The following RBBP8 variants were observed in gnomAD, a reference collection of about 807,000 sequenced individuals.
RBBP8 encodes the protein RB binding protein 8, endonuclease, also known as DNA endonuclease RBBP8.
In RBBP8, 88 loss-of-function variants were observed where a neutral mutation model predicts 108.3. The ratio of observed to expected loss-of-function variants is 0.81; its 90% CI spans 0.68 to 0.97. RBBP8 has a LOEUF of 0.97. RBBP8 is among the 50% of genes least tolerant of loss of function. RBBP8 has a pLI of 0.00. For missense variants in RBBP8, 1,023 were observed against 1,049.0 expected, an observed-to-expected ratio of 0.98 and a Z score of 0.34; for synonymous variants, 332 against 348.2, an observed-to-expected ratio of 0.95 and a Z score of 0.52.
chr18:22,936,248 C>T (rs1014936116), intron 1 of RBBP8, among the ~76,000 whole-genome samples: 4 of 152,016 alleles, frequency 2.6e-5, no homozygotes, highest in African/African-American at 7.2e-5. Flanking sequence ...GCCACAGGCA[C>T]GCACTACCAC....
chr18:22,967,645 A>ATTTT (rs1410826642), intron 4 of RBBP8, among the ~76,000 whole-genome samples: 1 of 131,500 alleles, frequency 7.6e-6, no homozygotes, highest in Admixed American at 7.7e-5. Flanking sequence ...GCTATTTCGT[A>ATTTT]TTTTTTTTTT....
At chr18:22,985,317 C>G (rs944465208) in intron 8 of RBBP8, among the ~76,000 whole-genome samples, 1 of 152,022 alleles carries the variant, frequency 6.6e-6, no homozygotes, top group African/African-American at 2.4e-5. Flanking sequence ...AGCTTATGAT[C>G]TAGTTGAGGG....
chr18:22,961,711 T>C lies in RBBP8; in HGVS notation c.249-7095T>C, dbSNP rs1000640159. Reference sequence around the variant, plus strand: ...ATCAGCTATCATTAGTGTTAGTGTATGTGGGCCCAAGACAGTTCTTCCAGG... The same window carrying C: ...ATCAGCTATCATTAGTGTTAGTGTACGTGGGCCCAAGACAGTTCTTCCAGG... On this transcript the variant is annotated intron_variant, in intron 4 of 18. Transcript: ENST00000327155. 5.9e-5 allele frequency among the ~76,000 whole-genome samples: 9 copies of C among 152,318 alleles called. No homozygotes were observed. In the East Asian group the frequency reaches 7.7e-4, roughly 13 times the overall value.
At position 23,002,133 on chromosome 18, in the gene RBBP8, AG is replaced by A. The variant is rs2045959664; in HGVS notation, c.2287+405del. On this transcript the variant is annotated intron_variant, in intron 15 of 18. Transcript: ENST00000327155. ...AAAGTTTTGTACAACATTCAGATCC[AG>A]CCAGGCACAGTGGTTCACACCTGTA... 2.0e-5 allele frequency among the ~76,000 whole-genome samples: 3 copies of A among 152,196 alleles called. No homozygotes were observed. The South Asian group carries it at 6.2e-4, about 32-fold the overall frequency.
chr18:22,988,360 C>G (rs1476244836), intron 8 of RBBP8, among the ~76,000 whole-genome samples: 1 of 152,196 alleles, frequency 6.6e-6, no homozygotes, highest in African/African-American at 2.4e-5. Context: ...GGTTCATGTC[C>G]TACTCCCATC....
chr18:22,975,442 A>C (rs1914432457), intron 6 of RBBP8, among the ~76,000 whole-genome samples: 1 of 152,054 alleles, frequency 6.6e-6, no homozygotes, highest in Non-Finnish European at 1.5e-5. Context: ...AAACATTTTA[A>C]TTTTTATAAT....
intron 4 of RBBP8, among the ~76,000 whole-genome samples, chr18:22,962,702 C>A (rs1324769914): frequency 7.1e-6 from 1 of 140,212 alleles, no homozygotes; most frequent in African/African-American, 2.8e-5. Flanking sequence ...CTCCTCTCCA[C>A]CCCCCCTACC....
At chr18:22,950,606 C>A (rs1385870694) in intron 4 of RBBP8, among the ~76,000 whole-genome samples, 1 of 151,014 alleles carries the variant, frequency 6.6e-6, no homozygotes, top group Non-Finnish European at 1.5e-5. Flanking sequence ...CACGATATCC[C>A]ATACTTTCTT....
intron 4 of RBBP8, among the ~76,000 whole-genome samples, chr18:22,964,969 G>A (rs1248488894): frequency 6.6e-6 from 1 of 152,014 alleles, no homozygotes; most frequent in Non-Finnish European, 1.5e-5. Flanking sequence ...ATGACCTACA[G>A]CAGCCTTCAA....
chr18:22,948,414 G>T lies in RBBP8; in HGVS notation c.153-1204G>T, dbSNP rs367811821. On this transcript the variant is annotated intron_variant, in intron 3 of 18. Coordinates refer to ENST00000327155, the MANE Select transcript of RBBP8 (RefSeq NM_002894.3). ...ATTTATTTTTGTTAAATGAGAAATG[G>T]CCAGGTTAACAAGCTTCAATGATAT... Among the ~76,000 whole-genome samples the T allele has an allele frequency of 2.7e-3, 406 of 151,922 alleles. 1 individual carries two copies. The highest frequency in any genetic ancestry group is 9.3e-3 in the African/African-American group (386 of 41,470).
chr18:23,014,165 AT>A (rs553671944), intron 16 of RBBP8, among the ~76,000 whole-genome samples: 247 of 146,278 alleles, frequency 1.7e-3, no homozygotes, highest in Middle Eastern at 3.5e-3. Flanking sequence ...CGCCTGGCTA[AT>A]TTTTTTTTTT....
At chr18:22,939,043 A>G (rs745449362) in intron 2 of RBBP8, among the ~76,000 whole-genome samples, 11 of 152,192 alleles carry the variant, frequency 7.2e-5, no homozygotes, top group Non-Finnish European at 1.2e-4. Context: ...TAATTCTGTA[A>G]CTTTCCCTAT....
intron 14 of RBBP8, 79 bp from the exon 15 acceptor site, chr18:23,001,507 T>C: frequency 6.7e-7 from 1 of 1,490,906 alleles, no homozygotes; most frequent in Non-Finnish European, 9.3e-7. Context: ...TATTGTGTGG[T>C]AGTTACTACA....
chr18:22,947,197 A>G (rs1911634094), intron 3 of RBBP8, among the ~76,000 whole-genome samples: 1 of 151,602 alleles, frequency 6.6e-6, no homozygotes, highest in African/African-American at 2.4e-5. Flanking sequence ...AAATTATTTT[A>G]ATTAAGAAAT....
upstream of RBBP8, chr18:22,929,548 G>GTA (rs1375391922): frequency 4.6e-4 from 57 of 124,966 alleles, 2 homozygotes; most frequent in African/African-American, 1.9e-3. Flanking sequence ...GTGTGTGTGT[G>GTA]TGTATGTGTG....
chr18:22,957,431 GAATAAATGTC>G (rs1052008575), intron 4 of RBBP8, among the ~76,000 whole-genome samples: 13 of 150,408 alleles, frequency 8.6e-5, no homozygotes, highest in Non-Finnish European at 1.6e-4. Flanking sequence ...GAATGAAAAT[GAATAAATGTC>G]AATAAATCTT....
intron 7 of RBBP8, among the ~76,000 whole-genome samples, chr18:22,983,579 A>G (rs1915099595): frequency 9.9e-6 from 1 of 100,790 alleles, no homozygotes; most frequent in African/African-American, 2.7e-5. Flanking sequence ...ATTCACAAAT[A>G]AGAATATCTA....
intron 18 of RBBP8, among the ~76,000 whole-genome samples, chr18:23,022,575 C>G (rs1322079825): frequency 8.1e-6 from 1 of 122,828 alleles, no homozygotes; most frequent in Non-Finnish European, 1.6e-5. Context: ...GCACTCCAGC[C>G]TGGGCGACAG....
At chr18:23,014,830 C>A (rs768911088) in intron 16 of RBBP8, among the ~76,000 whole-genome samples, 8 of 151,978 alleles carry the variant, frequency 5.3e-5, no homozygotes, top group Non-Finnish European at 1.2e-4. Context: ...TTGAAGAATT[C>A]ATGGTAGGTG....
Sources: allele counts gnomAD v4.1 joint callset (sites outside exome capture counted in the v4.1 genomes callset), GRCh38; gene constraint gnomAD v4.1.1; transcripts MANE v1.5; gene names NCBI Gene and HGNC (gene_info 2026-07-23, HGNC 2026-07-21).